ADAMTSL1: variants seen among roughly 807,000 people sequenced by gnomAD.
ADAMTSL1 encodes ADAMTS-like protein 1.
A neutral mutation model predicts 201.8 loss-of-function variants in ADAMTSL1; 126 were observed. The observed-to-expected ratio is 0.62, with a 90% CI of 0.54 to 0.72. The LOEUF is 0.72. Ranked by LOEUF, ADAMTSL1 falls within the 30% of genes least tolerant of loss-of-function variation. The pLI is 0.00. For synonymous variants in ADAMTSL1, 1,121 were observed against 903.4 expected (o/e 1.24, Z -4.32); for missense variants, 2,679 against 2,277.8 (o/e 1.18, Z -3.59).
chr9:18,908,383 T>A (rs1830428608), intron 28 of ADAMTSL1, 59 bp from the exon 29 acceptor site: 2 of 1,415,158 alleles, frequency 1.4e-6, no homozygotes, highest in Non-Finnish European at 2.0e-6. Context: ...CTGCGTTCAT[T>A]AGTCTCTGTT....
chr9:18,382,850 G>C (rs1022214576), intron 2 of ADAMTSL1, among the ~76,000 whole-genome samples: 12 of 152,260 alleles, frequency 7.9e-5, no homozygotes, highest in Non-Finnish European at 1.5e-5. Flanking sequence ...ACAGCTCTGC[G>C]AGTCTGGTCC....
chr9:18,179,300 A>G (rs551101334), intron 2 of ADAMTSL1, among the ~76,000 whole-genome samples: 3 of 152,330 alleles, frequency 2.0e-5, no homozygotes, highest in South Asian at 4.1e-4. Flanking sequence ...AATGAATGAA[A>G]TGAAGCGAGA....
chr9:18,530,422 T>C (rs1294640784), intron 2 of ADAMTSL1, among the ~76,000 whole-genome samples: 1 of 152,070 alleles, frequency 6.6e-6, no homozygotes, highest in African/African-American at 2.4e-5. Flanking sequence ...AAAAGCAAAA[T>C]CTCACCATTG....
At chr9:18,254,176 G>T (rs981034955) in intron 2 of ADAMTSL1, among the ~76,000 whole-genome samples, 4 of 151,798 alleles carry the variant, frequency 2.6e-5, no homozygotes, top group Non-Finnish European at 5.9e-5. Flanking sequence ...AGCTAATCAC[G>T]TCCACCTCAC....
intron 2 of ADAMTSL1, among the ~76,000 whole-genome samples, chr9:18,213,140 A>C (rs1412447334): frequency 6.6e-6 from 1 of 152,144 alleles, no homozygotes; most frequent in African/African-American, 2.4e-5. Context: ...AAAGAAAGAA[A>C]CTGTAAGCTA....
intron 1 of ADAMTSL1, among the ~76,000 whole-genome samples, chr9:18,051,261 A>G (rs1477243364): frequency 6.6e-6 from 1 of 152,176 alleles, no homozygotes; most frequent in East Asian, 1.9e-4. Flanking sequence ...AGATGGTGCC[A>G]CTGCACTCCA....
intron 2 of ADAMTSL1, among the ~76,000 whole-genome samples, chr9:18,314,156 A>G (rs939977385): frequency 1.3e-5 from 2 of 152,186 alleles, no homozygotes; most frequent in Admixed American, 1.3e-4. Flanking sequence ...TGTTAAGATA[A>G]TTATTATCAA....
chr9:18,565,353 A>C (rs1821812803), intron 3 of ADAMTSL1, among the ~76,000 whole-genome samples: 1 of 152,180 alleles, frequency 6.6e-6, no homozygotes, highest in South Asian at 2.1e-4. Flanking sequence ...CATGAACTTG[A>C]TCTATTGTAA....
chr9:18,187,559 A>G lies in ADAMTSL1; in HGVS notation c.207+23578A>G, dbSNP rs546306783. On this transcript the variant is annotated intron_variant, in intron 2 of 29. Transcript: ENST00000680146. Reference sequence around the variant, plus strand: ...AAGAAAAAAATTTAAATATGTGTATACATTTATATGATCATAGAGAAACAT... The same window carrying G: ...AAGAAAAAAATTTAAATATGTGTATGCATTTATATGATCATAGAGAAACAT... Among the ~76,000 whole-genome samples, 30 of 152,300 alleles carry G rather than the reference A, an allele frequency of 2.0e-4. No individual in the cohort carries two copies. In the East Asian group the frequency reaches 5.4e-3, roughly 27 times the overall value.
chr9:17,925,475 A>G lies in ADAMTSL1; in HGVS notation c.87+18553A>G, dbSNP rs1339396918. 2.6e-3 allele frequency among the ~76,000 whole-genome samples: 255 copies of G among 96,980 alleles called. 23 individuals are homozygous for G. Among genetic ancestry groups the G allele is most frequent in the African/African-American group, 8.1e-3 (239 of 29,364 alleles). 63.6% of individuals were successfully genotyped at this position (96,980 alleles called of 152,430 possible). On this transcript the variant is annotated intron_variant, in intron 1 of 29. Coordinates refer to the ADAMTSL1 transcript ENST00000680146. The stretch of plus-strand genomic sequence containing the variant: ...CAACCCAAATGTCCAACAATGATAG[A>G]CTGGATTAAGAAAATGTGGCACATA...
At chr9:17,977,475 A>G (rs1035697317) in intron 1 of ADAMTSL1, among the ~76,000 whole-genome samples, 5 of 152,012 alleles carry the variant, frequency 3.3e-5, no homozygotes, top group African/African-American at 1.2e-4. Flanking sequence ...CTCCTTACTC[A>G]TTATTGGTTT....
chr9:18,891,522 T>C (rs1178762697), intron 25 of ADAMTSL1, among the ~76,000 whole-genome samples: 1 of 152,220 alleles, frequency 6.6e-6, no homozygotes, highest in Non-Finnish European at 1.5e-5. Flanking sequence ...TTCCGAGTGT[T>C]CCTAGTTTAC....
intron 1 of ADAMTSL1, among the ~76,000 whole-genome samples, chr9:18,023,502 C>A (rs755806370): frequency 2.6e-5 from 4 of 152,184 alleles, no homozygotes; most frequent in African/African-American, 4.8e-5. Context: ...CAAGATCAGC[C>A]ACTTTCTCCA....
At chr9:18,054,338 T>A (rs1822074825) in intron 1 of ADAMTSL1, among the ~76,000 whole-genome samples, 2 of 152,242 alleles carry the variant, frequency 1.3e-5, no homozygotes. Flanking sequence ...AAGAGTTTAT[T>A]GCAAAGAACT....
intron 2 of ADAMTSL1, among the ~76,000 whole-genome samples, chr9:18,231,658 C>G (rs1027985175): frequency 6.6e-6 from 1 of 152,182 alleles, no homozygotes. Flanking sequence ...GAACAGCTTC[C>G]CTGGTACCCA....
chr9:18,892,345 G>T (rs777808711), intron 25 of ADAMTSL1, 44 bp from the exon 26 acceptor site: 5 of 1,575,092 alleles, frequency 3.2e-6, no homozygotes, highest in Non-Finnish European at 4.3e-6. Context: ...TTTCCCCAGG[G>T]CCTGTCCCTT....
Position 18,533,275 on chromosome 9 carries a change from A to G in ADAMTSL1, c.220A>G (p.Arg74Gly). 1 of 1,609,144 alleles carries G rather than the reference A, an allele frequency of 6.2e-7. No individual in the cohort carries two copies. Among genetic ancestry groups the G allele is most frequent in the South Asian group, 1.1e-5 (1 of 90,296 alleles). ...CTGTGAAGGAAGAAATATCCGATACAGAACATGCAGTAATGTGGTAAGTAT... is the reference window on the plus strand; with the variant it reads ...CTGTGAAGGAAGAAATATCCGATACGGAACATGCAGTAATGTGGTAAGTAT... ...KSCEGRNIRY[R>G]TCSNVDCPPE... Residue 74 changes from arginine to glycine, a missense_variant, in exon 3 of 29, where the codon AGA becomes GGA. Coordinates refer to ENST00000380548, the MANE Select transcript of ADAMTSL1 (RefSeq NM_001040272.6).
chr9:18,484,704 G>T (rs1029714936), intron 1 of ADAMTSL1, among the ~76,000 whole-genome samples: 1 of 152,172 alleles, frequency 6.6e-6, no homozygotes, highest in African/African-American at 2.4e-5. Context: ...GTTTGCTGGT[G>T]CTGGGACTTT....
intron 2 of ADAMTSL1, among the ~76,000 whole-genome samples, chr9:18,324,233 T>A (rs1042978287): frequency 6.6e-6 from 1 of 152,094 alleles, no homozygotes; most frequent in African/African-American, 2.4e-5. Flanking sequence ...TTAACATGTA[T>A]CCTAGAAAAA....
Sources: allele counts gnomAD v4.1 joint callset (sites outside exome capture counted in the v4.1 genomes callset), GRCh38; gene constraint gnomAD v4.1.1; transcripts MANE v1.5; gene names NCBI Gene and HGNC (gene_info 2026-07-23, HGNC 2026-07-21).